Variants in TNNI3K observed in about 807,000 individuals in gnomAD.
TNNI3K encodes the protein serine/threonine-protein kinase TNNI3K.
Under a neutral mutation model 114.5 loss-of-function variants are expected in TNNI3K, and 140 were observed. That is an observed-to-expected ratio of 1.22 (90% CI 1.07 to 1.41). The LOEUF is 1.41. Among genes scored for constraint, TNNI3K ranks in the 40% most tolerant of loss-of-function variants. The pLI is 0.00. For missense variants in TNNI3K, 1,125 were observed against 1,007.6 expected (o/e 1.12, Z -1.58); for synonymous variants, 347 against 347.5 (o/e 1.00, Z 0.02).
At chr1:74,312,689 A>G (rs536513720) in intron 5 of TNNI3K, among the ~76,000 whole-genome samples, 120 of 152,348 alleles carry the variant, frequency 7.9e-4, no homozygotes, top group African/African-American at 2.5e-3. Flanking sequence ...AGCCTTATCA[A>G]TGATCCTTTT....
chr1:74,247,115 A>C (rs1045055661), intron 2 of TNNI3K, among the ~76,000 whole-genome samples: 34 of 152,280 alleles, frequency 2.2e-4, no homozygotes, highest in African/African-American at 7.9e-4. Context: ...GGACCCTCGC[A>C]GTGAGTGTTC....
At chr1:74,358,891 AAAAGAGAACT>A (rs1661801924) in intron 11 of TNNI3K, among the ~76,000 whole-genome samples, 1 of 152,072 alleles carries the variant, frequency 6.6e-6, no homozygotes, top group Non-Finnish European at 1.5e-5. Context: ...AATGGATAGT[AAAAGAGAACT>A]TACATTCATT....
intron 17 of TNNI3K, among the ~76,000 whole-genome samples, chr1:74,388,385 A>C (rs1663598787): frequency 6.6e-6 from 1 of 152,242 alleles, no homozygotes; most frequent in South Asian, 2.1e-4. Context: ...ATCTCGAGAA[A>C]TAGCAAGAAA....
chr1:74,341,279 TA>T (rs1660733821), intron 7 of TNNI3K, among the ~76,000 whole-genome samples: 1 of 152,220 alleles, frequency 6.6e-6, no homozygotes, highest in Non-Finnish European at 1.5e-5. Flanking sequence ...TATCTGTTAT[TA>T]GCTTTGGACA....
chr1:74,501,874 TTA>T (rs367958004), intron 23 of TNNI3K, among the ~76,000 whole-genome samples: 42 of 149,330 alleles, frequency 2.8e-4, no homozygotes, highest in Non-Finnish European at 2.4e-4. Flanking sequence ...CTTCTGAGGG[TTA>T]TATATATATA....
In TNNI3K at chr1:74,536,514, C is replaced by T. The variant is rs568253341; in HGVS notation, c.2352-3720C>T. Among the ~76,000 whole-genome samples the T allele has an allele frequency of 1.3e-4, 20 of 152,134 alleles. 1 individual carries two copies. The highest frequency in any genetic ancestry group is 8.5e-4 in the Admixed American group (13 of 15,262). ...TAATGCACCTTTATAAAAACGGTGA[C>T]TGATGATCATTTTTATATTTATGTA... On this transcript the variant is annotated intron_variant, in intron 23 of 24. Coordinates refer to ENST00000326637, the MANE Select transcript of TNNI3K (RefSeq NM_015978.3).
At chr1:74,412,231 A>G (rs965534228) in intron 17 of TNNI3K, among the ~76,000 whole-genome samples, 2 of 152,042 alleles carry the variant, frequency 1.3e-5, no homozygotes, top group Non-Finnish European at 2.9e-5. Context: ...CTATGTAATT[A>G]ATTCCATTAT....
At chr1:74,359,245 C>T (rs1460993348) in intron 11 of TNNI3K, among the ~76,000 whole-genome samples, 2 of 152,016 alleles carry the variant, frequency 1.3e-5, no homozygotes, top group African/African-American at 2.4e-5. Context: ...TTACAGAATT[C>T]TGACGAGGTT....
chr1:74,447,266 A>G (rs965399081), intron 20 of TNNI3K, among the ~76,000 whole-genome samples: 2 of 149,072 alleles, frequency 1.3e-5, no homozygotes, highest in Non-Finnish European at 3.0e-5. Flanking sequence ...CATCCCTTGT[A>G]AGTTGGATTC....
At chr1:74,445,650 GC>G (rs1666616633) in intron 20 of TNNI3K, among the ~76,000 whole-genome samples, 1 of 131,324 alleles carries the variant, frequency 7.6e-6, no homozygotes, top group African/African-American at 3.0e-5. Flanking sequence ...TCGCTCTGTC[GC>G]CCAGGCTGGA....
chr1:74,419,079 A>G (rs937923631), intron 17 of TNNI3K, among the ~76,000 whole-genome samples: 2 of 152,100 alleles, frequency 1.3e-5, no homozygotes, highest in African/African-American at 4.8e-5. Context: ...AACAACAGGA[A>G]GTTATTCTTT....
chr1:74,246,061 G>C (rs1335851116), intron 2 of TNNI3K, among the ~76,000 whole-genome samples: 2 of 152,148 alleles, frequency 1.3e-5, no homozygotes, highest in African/African-American at 4.8e-5. Context: ...ATTTCCCTCA[G>C]CTCAAAAAAT....
At chr1:74,244,333 C>T (rs749039977) in intron 2 of TNNI3K, among the ~76,000 whole-genome samples, 19 of 151,938 alleles carry the variant, frequency 1.3e-4, no homozygotes, top group Non-Finnish European at 2.1e-4. Context: ...CAACAAGCAG[C>T]GGCTCAGTTT....
chr1:74,383,336 T>C (rs1663302003), intron 17 of TNNI3K, among the ~76,000 whole-genome samples: 2 of 152,096 alleles, frequency 1.3e-5, no homozygotes, highest in South Asian at 2.1e-4. Flanking sequence ...CTGGCTTTCT[T>C]GGTGGAACTG....
chr1:74,324,151 A>T (rs1472265614), intron 5 of TNNI3K, among the ~76,000 whole-genome samples: 2 of 152,226 alleles, frequency 1.3e-5, no homozygotes, highest in Non-Finnish European at 2.9e-5. Context: ...CTTGGCAGAT[A>T]GCCAAATACC....
chr1:74,401,871 A>G, intron 17 of TNNI3K: 1 of 454,822 alleles, frequency 2.2e-6, no homozygotes, highest in Non-Finnish European at 4.4e-6. Flanking sequence ...TGGATCACCC[A>G]TAGTATTTGC....
At chr1:74,282,161 A>G (rs2100256045) in intron 5 of TNNI3K, among the ~76,000 whole-genome samples, 1 of 152,150 alleles carries the variant, frequency 6.6e-6, no homozygotes, top group South Asian at 2.1e-4. Context: ...ATCTCACTGT[A>G]CATTACAGTA....
chr1:74,513,717 A>G lies in TNNI3K; in HGVS notation c.2351+21451A>G, dbSNP rs74531653. On this transcript the variant is annotated intron_variant, in intron 23 of 24. Transcript: ENST00000326637. ...TTGAAAAGCTAGATTGATGAGCATT[A>G]CCAGAGAGAAATATTTTTTGGAAAG... is the stretch of plus-strand genomic sequence containing the variant. 3.8e-3 allele frequency among the ~76,000 whole-genome samples: 584 copies of G among 152,342 alleles called. 22 individuals carry two copies. In the East Asian group the frequency reaches 0.09, roughly 23 times the overall value.
chr1:74,466,219 A>T (rs558063155), intron 21 of TNNI3K, among the ~76,000 whole-genome samples: 7 of 152,356 alleles, frequency 4.6e-5, no homozygotes, highest in Non-Finnish European at 8.8e-5. Context: ...GAAGTCAGCG[A>T]GACCAAGAAC....
Sources: gnomAD v4.1 joint callset for allele counts (sites outside exome capture counted in the v4.1 genomes callset) on GRCh38, gnomAD v4.1.1 for gene constraint, MANE v1.5 for transcripts, NCBI Gene and HGNC (gene_info 2026-07-23, HGNC 2026-07-21) for gene names.